Variants in CADPS observed in about 807,000 individuals in gnomAD.
CADPS encodes the protein calcium dependent secretion activator.
CADPS carries 57 observed loss-of-function variants against 167.3 expected under a neutral mutation model. That is an observed-to-expected ratio of 0.34 (90% CI 0.28 to 0.42). The LOEUF is 0.42. Among genes scored for constraint, CADPS ranks in the 20% least tolerant of loss-of-function variants. The pLI is 1.00. For synonymous variants in CADPS, 676 were observed against 635.3 expected (o/e 1.06, Z -0.96); for missense variants, 1,414 against 1,738.1 (o/e 0.81, Z 3.32).
At chr3:62,457,421 A>G (rs975758707) in intron 26 of CADPS, among the ~76,000 whole-genome samples, 7 of 152,264 alleles carry the variant, frequency 4.6e-5, no homozygotes, top group African/African-American at 1.4e-4. Context: ...CTAGTTAAGC[A>G]AACATTTTGA....
chr3:62,612,156 A>T (rs1316825470), intron 6 of CADPS, among the ~76,000 whole-genome samples: 1 of 152,200 alleles, frequency 6.6e-6, no homozygotes, highest in Non-Finnish European at 1.5e-5. Flanking sequence ...CCAAATGGGA[A>T]TCTCTTCTTT....
intron 1 of CADPS, among the ~76,000 whole-genome samples, chr3:62,806,094 C>A (rs1422373868): frequency 1.3e-5 from 2 of 152,096 alleles, no homozygotes; most frequent in Admixed American, 1.3e-4. Flanking sequence ...GGCGAGGCAG[C>A]TGTGTTCTGC....
chr3:62,681,740 G>A (rs1401514353), intron 3 of CADPS, among the ~76,000 whole-genome samples: 1 of 152,056 alleles, frequency 6.6e-6, no homozygotes, highest in African/African-American at 2.4e-5. Flanking sequence ...TTGTTACAGA[G>A]TGTCATTTTG....
chr3:62,541,089 T>C (rs2075609661), intron 11 of CADPS, among the ~76,000 whole-genome samples: 1 of 152,230 alleles, frequency 6.6e-6, no homozygotes, highest in Non-Finnish European at 1.5e-5. Flanking sequence ...CCAGTGATGT[T>C]TGGATGATCT....
intron 14 of CADPS, among the ~76,000 whole-genome samples, 190 bp downstream of exon 14, chr3:62,517,959 A>G (rs1348551993): frequency 6.6e-6 from 1 of 152,318 alleles, no homozygotes; most frequent in East Asian, 1.9e-4. Context: ...TGGAAATAAC[A>G]TGAACTTAAG....
chr3:62,788,563 C>T (rs1342752576), intron 1 of CADPS, among the ~76,000 whole-genome samples: 1 of 152,128 alleles, frequency 6.6e-6, no homozygotes, highest in African/African-American at 2.4e-5. Flanking sequence ...CCCGACACAG[C>T]TGTATTTGTA....
chr3:62,751,356 A>T (rs76356369), intron 3 of CADPS, among the ~76,000 whole-genome samples: 2,615 of 152,264 alleles, frequency 0.017, 84 homozygotes, highest in African/African-American at 0.059. Context: ...TTGATATGAA[A>T]CCCTGAAACA....
intron 17 of CADPS, among the ~76,000 whole-genome samples, chr3:62,506,876 G>T (rs1041693536): frequency 6.6e-6 from 1 of 152,170 alleles, no homozygotes; most frequent in African/African-American, 2.4e-5. Context: ...AGGATAAAAG[G>T]CTGGTGCTAT....
chr3:62,476,944 T>C (rs1321985064), intron 23 of CADPS, among the ~76,000 whole-genome samples: 1 of 152,160 alleles, frequency 6.6e-6, no homozygotes, highest in African/African-American at 2.4e-5. Flanking sequence ...TATTTTGATC[T>C]TGAGTTTGAG....
In CADPS at chr3:62,433,425, G is replaced by A. The variant is rs2054373925; in HGVS notation, c.3777+4679C>T. On this transcript the variant is annotated intron_variant, in intron 28 of 29. Coordinates refer to ENST00000383710, the MANE Select transcript of CADPS (RefSeq NM_003716.4). The surrounding 1 kb of genome is among the most constrained non-coding windows in gnomAD (Gnocchi z 4.7). ...GATTAAGTTCTTACGAGGTGGTTTG[G>A]TAAGAGGCCCTTTCCTGATCTGATA... is the stretch of plus-strand genomic sequence containing the variant. 6.6e-6 allele frequency among the ~76,000 whole-genome samples: 1 copy of A among 152,134 alleles called. No individual in the cohort carries two copies. The highest frequency in any genetic ancestry group is 1.5e-5 in the Non-Finnish European group (1 of 68,028).
At chr3:62,629,741 C>G (rs1437420215) in intron 6 of CADPS, among the ~76,000 whole-genome samples, 2 of 146,970 alleles carry the variant, frequency 1.4e-5, no homozygotes, top group African/African-American at 4.9e-5. Flanking sequence ...ACCTCTTGCT[C>G]ACAGACTCTG....
intron 1 of CADPS, among the ~76,000 whole-genome samples, chr3:62,771,581 G>T (rs1458203720): frequency 6.6e-6 from 1 of 152,120 alleles, no homozygotes; most frequent in Non-Finnish European, 1.5e-5. Flanking sequence ...GCTTTGATGA[G>T]CCGCTTAGAG....
At chr3:62,819,679 A>ATATGGAGT (rs2094807357) in intron 1 of CADPS, among the ~76,000 whole-genome samples, 1 of 152,130 alleles carries the variant, frequency 6.6e-6, no homozygotes, top group African/African-American at 2.4e-5. Flanking sequence ...AACTAAGGTC[A>ATATGGAGT]GTCATATGGG....
At chr3:62,444,019 C>T (rs558465293) in intron 27 of CADPS, among the ~76,000 whole-genome samples, 1 of 152,264 alleles carries the variant, frequency 6.6e-6, no homozygotes, top group South Asian at 2.1e-4. Context: ...TCTTTGACCT[C>T]ACCAATATGC....
chr3:62,631,109 TACAC>T lies in CADPS; in HGVS notation c.1325+14609_1325+14612del, dbSNP rs4019273. 7.8e-3 allele frequency among the ~76,000 whole-genome samples: 1,172 copies of T among 149,346 alleles called. 4 individuals are homozygous for T. Among genetic ancestry groups the T allele is most frequent in the African/African-American group, 0.011 (434 of 40,904 alleles). ...TACTTTAAAAACTTTATCTGTATAA[TACAC>T]ACACACACACACACACACACAAATA... On this transcript the variant is annotated intron_variant, in intron 6 of 29. Coordinates refer to ENST00000383710, the MANE Select transcript of CADPS (RefSeq NM_003716.4).
intron 10 of CADPS, among the ~76,000 whole-genome samples, chr3:62,551,785 C>G (rs2077356495): frequency 6.6e-6 from 1 of 152,158 alleles, no homozygotes; most frequent in Non-Finnish European, 1.5e-5. Context: ...AATTGCTTTT[C>G]TCTGTGCCTG....
chr3:62,499,301 G>A (rs554685301), intron 17 of CADPS, 33 bp from the exon 18 acceptor site: 31 of 1,394,136 alleles, frequency 2.2e-5, no homozygotes, highest in South Asian at 1.9e-4. Context: ...AAAATTCAGC[G>A]AAAGTGGCAG....
chr3:62,772,790 G>A (rs892919105), intron 1 of CADPS, among the ~76,000 whole-genome samples: 4 of 152,172 alleles, frequency 2.6e-5, no homozygotes, highest in African/African-American at 9.6e-5. Flanking sequence ...TCAGAAAGAA[G>A]GGAGAAGCAA....
At chr3:62,437,678 T>A (rs2149756904) in intron 28 of CADPS, among the ~76,000 whole-genome samples, 1 of 152,328 alleles carries the variant, frequency 6.6e-6, no homozygotes, top group Middle Eastern at 3.4e-3. Flanking sequence ...ACTGCACATC[T>A]GCACACCACA....
Sources: allele counts gnomAD v4.1 joint callset (sites outside exome capture counted in the v4.1 genomes callset), GRCh38; gene constraint gnomAD v4.1.1; non-coding constraint Gnocchi (gnomAD v3.1); transcripts MANE v1.5; gene names NCBI Gene and HGNC (gene_info 2026-07-23, HGNC 2026-07-21).